PRMT3: variants seen among roughly 807,000 people sequenced by gnomAD.
PRMT3 encodes the protein protein arginine methyltransferase 3.
Under a neutral mutation model 71.9 loss-of-function variants are expected in PRMT3, and 62 were observed. The observed-to-expected ratio is 0.86, with a 90% CI of 0.70 to 1.07. The LOEUF (loss-of-function observed/expected upper bound fraction) is 1.07. Among genes scored for constraint, PRMT3 ranks in the 50% least tolerant of loss-of-function variants. The pLI is 0.00. For missense variants in PRMT3, 663 were observed against 643.0 expected, an observed-to-expected ratio of 1.03 and a Z score of -0.34; for synonymous variants, 213 against 220.4, an observed-to-expected ratio of 0.97 and a Z score of 0.30.
chr11:20,389,795 GT>G lies in PRMT3; in HGVS notation c.219del (p.Phe73LeufsTer20). The G allele has an allele frequency of 6.2e-7, 1 of 1,611,840 alleles. No homozygotes were observed. Among genetic ancestry groups the G allele is most frequent in the Non-Finnish European group, 8.5e-7 (1 of 1,178,114 alleles). ...TTTCACACTGTAAGTCTGAGCATCA[GT>G]TTAATATTGACAGCATGGTTCATAA... Reference protein sequence around the residue: ...TFSHCKSEHQFNIDSMVHKHG... With the variant: ...TFSHCKSEHQXNIDSMVHKHG... On this transcript the variant is annotated frameshift_variant, in exon 3 of 16. Transcript: ENST00000331079. LOFTEE classifies it high-confidence loss of function.
chr11:20,431,434 A>G (rs941126028), intron 10 of PRMT3, among the ~76,000 whole-genome samples: 3 of 152,146 alleles, frequency 2.0e-5, no homozygotes, highest in African/African-American at 7.2e-5. Flanking sequence ...GGCACATAAG[A>G]TCTCAATAAC....
At chr11:20,422,299 A>C (rs1253606603) in intron 9 of PRMT3, among the ~76,000 whole-genome samples, 1 of 151,400 alleles carries the variant, frequency 6.6e-6, no homozygotes, top group Admixed American at 6.6e-5. Flanking sequence ...TTTTTTTTTT[A>C]CTGAATACTC....
intron 13 of PRMT3, among the ~76,000 whole-genome samples, chr11:20,491,141 C>T (rs1463429392): frequency 1.3e-5 from 2 of 152,066 alleles, no homozygotes; most frequent in Non-Finnish European, 1.5e-5. Context: ...CTATTCAACC[C>T]GGAAGTTTCA....
At chr11:20,488,211 A>G (rs1396589146) in intron 13 of PRMT3, among the ~76,000 whole-genome samples, 9 of 152,172 alleles carry the variant, frequency 5.9e-5, no homozygotes, top group Non-Finnish European at 1.3e-4. Flanking sequence ...CATAATATAT[A>G]ATTTTCATAT....
chr11:20,435,061 G>A (rs190817801), intron 10 of PRMT3, among the ~76,000 whole-genome samples: 27 of 152,104 alleles, frequency 1.8e-4, no homozygotes, highest in South Asian at 1.7e-3. Context: ...AATCCCATTT[G>A]TCTGTTTTTG....
intron 7 of PRMT3, among the ~76,000 whole-genome samples, chr11:20,400,349 T>TTAGATA (rs1848921572): frequency 6.6e-6 from 1 of 152,184 alleles, no homozygotes; most frequent in African/African-American, 2.4e-5. Context: ...TCTTATTTCT[T>TTAGATA]TAGATAAGAT....
chr11:20,407,825 A>G, intron 8 of PRMT3, 86 bp from the exon 9 acceptor site: 1 of 1,320,594 alleles, frequency 7.6e-7, no homozygotes, highest in Non-Finnish European at 1.0e-6. Flanking sequence ...TCCTAGCCAG[A>G]AACATCATAA....
At chr11:20,462,969 G>A (rs971968292) in intron 12 of PRMT3, among the ~76,000 whole-genome samples, 2 of 151,912 alleles carry the variant, frequency 1.3e-5, no homozygotes, top group Non-Finnish European at 2.9e-5. Context: ...GTGTTCAAGC[G>A]ATTCCCCTGC....
chr11:20,399,838 A>G lies in PRMT3; in HGVS notation c.705+2117A>G, dbSNP rs545346962. Among the ~76,000 whole-genome samples the G allele has an allele frequency of 6.6e-5, 10 of 152,298 alleles. No homozygotes were observed. The South Asian group carries it at 1.7e-3, about 25-fold the overall frequency. Reference sequence around the variant, plus strand: ...TTAACTCCTTTCAATGTACATATAGATTTAAGAAGTTCCAACTTGAAGTTT... The same window carrying G: ...TTAACTCCTTTCAATGTACATATAGGTTTAAGAAGTTCCAACTTGAAGTTT... On this transcript the variant is annotated intron_variant, in intron 7 of 15. Transcript: ENST00000331079.
At chr11:20,405,707 T>C (rs1180601973) in intron 8 of PRMT3, 1 of 152,256 alleles carries the variant, frequency 6.6e-6, no homozygotes, top group Non-Finnish European at 1.5e-5. Flanking sequence ...TATTGGAATA[T>C]ACTAAACATA....
chr11:20,494,010 GA>G (rs1851274448), intron 14 of PRMT3, 41 bp downstream of exon 14: 4 of 1,496,884 alleles, frequency 2.7e-6, no homozygotes, highest in Non-Finnish European at 3.7e-6. Flanking sequence ...AATTATTACA[GA>G]AGTACATTAT....
chr11:20,493,852 C>G (rs982659992), intron 13 of PRMT3, 67 bp from the exon 14 acceptor site: 20 of 1,056,390 alleles, frequency 1.9e-5, no homozygotes, highest in Non-Finnish European at 2.7e-5. Context: ...TCTTAAGAGA[C>G]AGTAATGAGT....
chr11:20,474,257 C>A (rs1386754289), intron 13 of PRMT3, among the ~76,000 whole-genome samples: 1 of 152,198 alleles, frequency 6.6e-6, no homozygotes, highest in African/African-American at 2.4e-5. Context: ...TCCAGACCAT[C>A]TGGACTCTCC....
At chr11:20,458,370 C>G (rs1328436728) in intron 11 of PRMT3, among the ~76,000 whole-genome samples, 1 of 152,104 alleles carries the variant, frequency 6.6e-6, no homozygotes, top group Non-Finnish European at 1.5e-5. Flanking sequence ...AAAGGATTTC[C>G]CATCTTTATC....
At chr11:20,438,432 T>C (rs1375378803) in intron 10 of PRMT3, among the ~76,000 whole-genome samples, 2 of 152,154 alleles carry the variant, frequency 1.3e-5, no homozygotes, top group East Asian at 3.9e-4. Flanking sequence ...GCAGGTGGCC[T>C]AAAGGCACAG....
At chr11:20,477,033 T>G (rs1007618819) in intron 13 of PRMT3, among the ~76,000 whole-genome samples, 1 of 152,208 alleles carries the variant, frequency 6.6e-6, no homozygotes, top group African/African-American at 2.4e-5. Context: ...TCCCGTGTCT[T>G]AAGCACAAGA....
intron 11 of PRMT3, among the ~76,000 whole-genome samples, chr11:20,460,446 C>G (rs1212398983): frequency 6.6e-6 from 1 of 151,962 alleles, no homozygotes; most frequent in Non-Finnish European, 1.5e-5. Flanking sequence ...TCACACTTTC[C>G]TTAACTCATG....
intron 15 of PRMT3, among the ~76,000 whole-genome samples, chr11:20,495,689 A>G (rs1851316010): frequency 1.3e-5 from 2 of 152,168 alleles, no homozygotes; most frequent in Non-Finnish European, 1.5e-5. Flanking sequence ...TGACATACCT[A>G]TATATTTCAC....
chr11:20,508,710 C>A lies in PRMT3; in HGVS notation c.*297C>A. The A allele has an allele frequency of 2.3e-6, 1 of 437,508 alleles. No individual in the cohort carries two copies. The highest frequency in any genetic ancestry group is 4.4e-6 in the Non-Finnish European group (1 of 227,388). 27.1% of individuals were successfully genotyped at this position (437,508 alleles called of 1,614,324 possible). On this transcript the variant is annotated 3_prime_UTR_variant, in exon 16 of 16. Transcript: ENST00000331079. ...TATATTGAAAATCATTTACATTGGC[C>A]TATATTTGGAAGAGAGATAGTCTTT...
Sources: gnomAD v4.1 joint callset for allele counts (sites outside exome capture counted in the v4.1 genomes callset) on GRCh38, gnomAD v4.1.1 for gene constraint, MANE v1.5 for transcripts, NCBI Gene and HGNC (gene_info 2026-07-23, HGNC 2026-07-21) for gene names.